SEL1L2: variants seen among roughly 807,000 people sequenced by gnomAD.
The protein encoded by SEL1L2 is protein sel-1 homolog 2.
A neutral mutation model predicts 98.8 loss-of-function variants in SEL1L2; 89 were observed. The ratio of observed to expected loss-of-function variants is 0.90; its 90% CI spans 0.76 to 1.07. SEL1L2 has a LOEUF of 1.07. Ranked by LOEUF, SEL1L2 falls within the 50% of genes least tolerant of loss-of-function variation. SEL1L2 has a pLI of 0.00. For synonymous variants in SEL1L2, 262 were observed against 278.5 expected (o/e 0.94, Z 0.59); for missense variants, 788 against 812.0 (o/e 0.97, Z 0.36).
Position 13,865,164 on chromosome 20 carries a change from T to A in SEL1L2, c.1645+3A>T, listed in dbSNP as rs765578465. The stretch of plus-strand genomic sequence containing the variant: ...TGTGCTTATTTTTATCTGGGTTCCA[T>A]ACCTTGAATGGCAGCTCGATTCCAT... On this transcript the variant is annotated splice_donor_region_variant and intron_variant, in intron 17 of 19. Transcript: ENST00000284951. 4.3e-6 allele frequency: 7 copies of A among 1,610,386 alleles called. No homozygotes were observed. In the South Asian group the frequency reaches 7.7e-5, roughly 18 times the overall value.
intron 18 of SEL1L2, 149 bp downstream of exon 18, chr20:13,859,113 T>C: frequency 1.5e-6 from 1 of 683,042 alleles, no homozygotes; most frequent in South Asian, 1.8e-5. Context: ...AAGTAATATG[T>C]ATTGGCACAA....
intron 5 of SEL1L2, among the ~76,000 whole-genome samples, chr20:13,910,413 A>G (rs2048163329): frequency 6.6e-6 from 1 of 152,194 alleles, no homozygotes; most frequent in Admixed American, 6.5e-5. Flanking sequence ...GGGAAACCCA[A>G]GGTTTAGAGA....
intron 2 of SEL1L2, among the ~76,000 whole-genome samples, chr20:13,933,200 C>T (rs951164370): frequency 6.6e-6 from 1 of 151,812 alleles, no homozygotes; most frequent in Non-Finnish European, 1.5e-5. Context: ...TCCAGAGTGA[C>T]TCTCAAAAAA....
chr20:13,979,392 T>C (rs1323372904), intron 1 of SEL1L2, among the ~76,000 whole-genome samples: 2 of 152,184 alleles, frequency 1.3e-5, no homozygotes, highest in Non-Finnish European at 2.9e-5. Flanking sequence ...TCGGAAAAGC[T>C]AGAAGAGAAG....
intron 2 of SEL1L2, among the ~76,000 whole-genome samples, chr20:13,939,956 C>T (rs1010149023): frequency 3.9e-5 from 6 of 152,286 alleles, no homozygotes; most frequent in South Asian, 2.1e-4. Flanking sequence ...CGTAAGCCAC[C>T]GCGCCTGGCC....
intron 1 of SEL1L2, among the ~76,000 whole-genome samples, chr20:13,983,117 T>C (rs886199081): frequency 2.0e-5 from 3 of 150,476 alleles, no homozygotes; most frequent in Non-Finnish European, 4.4e-5. Flanking sequence ...TTAGTTTTCC[T>C]TCCATTTTTC....
intron 2 of SEL1L2, among the ~76,000 whole-genome samples, chr20:13,931,983 T>C (rs1313429190): frequency 6.6e-6 from 1 of 152,230 alleles, no homozygotes; most frequent in East Asian, 1.9e-4. Flanking sequence ...AAATCTATTA[T>C]ATTGTCATCT....
intron 9 of SEL1L2, among the ~76,000 whole-genome samples, 184 bp from the exon 10 acceptor site, chr20:13,885,587 C>A (rs2046912482): frequency 6.6e-6 from 1 of 152,192 alleles, no homozygotes; most frequent in African/African-American, 2.4e-5. Flanking sequence ...GGACATATGG[C>A]TTCCTTAGTG....
chr20:13,937,110 C>G (rs1045483838), intron 2 of SEL1L2, among the ~76,000 whole-genome samples: 1 of 152,198 alleles, frequency 6.6e-6, no homozygotes, highest in African/African-American at 2.4e-5. Flanking sequence ...ATTGTCTCTT[C>G]TTTCCTGTTA....
At chr20:13,850,004 G>T in intron 19 of SEL1L2, 187 bp downstream of exon 19, 1 of 621,160 alleles carries the variant, frequency 1.6e-6, no homozygotes, top group Non-Finnish European at 2.8e-6. Context: ...CTTATACTCT[G>T]AAGTGTCAAC....
intron 18 of SEL1L2, among the ~76,000 whole-genome samples, chr20:13,852,099 G>A (rs1295992384): frequency 8.5e-5 from 13 of 152,166 alleles, no homozygotes; most frequent in Non-Finnish European, 4.4e-5. Context: ...CCCTGCAGAT[G>A]ATAACAGCTT....
At chr20:13,904,272 T>A (rs1400374004) in intron 5 of SEL1L2, among the ~76,000 whole-genome samples, 1 of 152,226 alleles carries the variant, frequency 6.6e-6, no homozygotes, top group South Asian at 2.1e-4. Flanking sequence ...CTCACGCCTG[T>A]GATCCCAGCA....
chr20:13,909,739 G>T (rs1366420773), intron 5 of SEL1L2, among the ~76,000 whole-genome samples: 1 of 152,082 alleles, frequency 6.6e-6, no homozygotes, highest in African/African-American at 2.4e-5. Flanking sequence ...GCCAAGGAGG[G>T]CAGATCACCT....
chr20:13,907,766 C>CTTTTCT (rs2048024774), intron 5 of SEL1L2, among the ~76,000 whole-genome samples: 1 of 94,694 alleles, frequency 1.1e-5, no homozygotes. Context: ...CTTTTCTTTT[C>CTTTTCT]TTTTTTTTTC....
At chr20:13,874,471 G>T (rs903724516) in intron 12 of SEL1L2, among the ~76,000 whole-genome samples, 1 of 152,110 alleles carries the variant, frequency 6.6e-6, no homozygotes, top group Non-Finnish European at 1.5e-5. Flanking sequence ...ATCACTGCTG[G>T]TTGGTTCCAC....
At chr20:13,974,057 A>G (rs553290567) in intron 1 of SEL1L2, among the ~76,000 whole-genome samples, 27 of 152,174 alleles carry the variant, frequency 1.8e-4, no homozygotes, top group South Asian at 4.2e-4. Context: ...GGACGGGTCT[A>G]GAGTATTGGA....
chr20:13,992,496 C>T (rs1047031655), upstream of SEL1L2, among the ~76,000 whole-genome samples: 2 of 151,892 alleles, frequency 1.3e-5, no homozygotes, highest in African/African-American at 4.8e-5. Context: ...AAGGGTGAAA[C>T]TCCGTCTCAA....
intron 10 of SEL1L2, among the ~76,000 whole-genome samples, chr20:13,882,770 T>A (rs796947570): frequency 1.4e-4 from 21 of 151,012 alleles, no homozygotes; most frequent in Non-Finnish European, 1.8e-4. Context: ...ACTATTTTTT[T>A]AAAAATGCAG....
intron 4 of SEL1L2, among the ~76,000 whole-genome samples, chr20:13,916,098 T>C (rs1176996183): frequency 1.3e-5 from 2 of 152,184 alleles, no homozygotes; most frequent in Non-Finnish European, 2.9e-5. Context: ...TTAATATCTG[T>C]ACTTTAAACA....
Sources: gnomAD v4.1 joint callset for allele counts (sites outside exome capture counted in the v4.1 genomes callset) on GRCh38, gnomAD v4.1.1 for gene constraint, MANE v1.5 for transcripts, NCBI Gene and HGNC (gene_info 2026-07-23, HGNC 2026-07-21) for gene names.